The following DMD variants were observed in gnomAD, a reference collection of about 807,000 sequenced individuals.
DMD encodes mutant dystrophin.
A neutral mutation model predicts 330.1 loss-of-function variants in DMD; 63 were observed. The observed-to-expected ratio is 0.19, with a 90% CI of 0.16 to 0.24. DMD has a LOEUF of 0.24. DMD is among the 10% of genes least tolerant of loss of function. The pLI is 1.00. For synonymous variants in DMD, 1,223 were observed against 959.8 expected, an observed-to-expected ratio of 1.27 and a Z score of -5.07; for missense variants, 3,344 against 2,684.1, an observed-to-expected ratio of 1.25 and a Z score of -5.43.
At chrX:32,043,910 A>T (rs1177328670) in intron 44 of DMD, among the ~76,000 whole-genome samples, 1 of 112,119 alleles carries the variant, frequency 8.9e-6, no homozygotes, top group African/African-American at 3.2e-5. Flanking sequence ...GAACACCTTT[A>T]AAATCCTAAA....
intron 15 of DMD, among the ~76,000 whole-genome samples, chrX:32,572,663 G>A (rs1225104323): frequency 9.2e-6 from 1 of 109,073 alleles, no homozygotes; most frequent in Non-Finnish European, 1.9e-5. Flanking sequence ...AAACACTCGA[G>A]GTATTTATAA....
At chrX:31,867,453 A>G (rs1182485525) in intron 48 of DMD, among the ~76,000 whole-genome samples, 1 of 111,322 alleles carries the variant, frequency 9.0e-6, no homozygotes, top group Non-Finnish European at 1.9e-5. Flanking sequence ...CTATTCAGCC[A>G]AGTATTCAAA....
chrX:32,688,176 C>A (rs1165258107), intron 9 of DMD, among the ~76,000 whole-genome samples: 4 of 110,665 alleles, frequency 3.6e-5, no homozygotes, highest in South Asian at 3.8e-4. Flanking sequence ...ATTCTAGGAA[C>A]CGACAAATCC....
intron 15 of DMD, among the ~76,000 whole-genome samples, chrX:32,569,614 C>A (rs1053798035): frequency 2.7e-5 from 3 of 111,501 alleles, no homozygotes; most frequent in Admixed American, 9.5e-5. Flanking sequence ...AGCATTGATC[C>A]TGTCTGAATT....
chrX:31,638,351 C>T (rs1245974110), intron 54 of DMD, among the ~76,000 whole-genome samples: 1 of 111,541 alleles, frequency 9.0e-6, no homozygotes, highest in Non-Finnish European at 1.9e-5. Context: ...GTTTGATGGG[C>T]CTCCTCTCTG....
intron 4 of DMD, among the ~76,000 whole-genome samples, chrX:32,825,438 A>AC (rs1008076115): frequency 5.4e-5 from 6 of 111,032 alleles, no homozygotes; most frequent in South Asian, 3.8e-4. Context: ...GTAAGGTACT[A>AC]CCCCCCCAGT....
intron 1 of DMD, among the ~76,000 whole-genome samples, chrX:33,102,630 C>T (rs2095250583): frequency 9.0e-6 from 1 of 111,202 alleles, no homozygotes; most frequent in Non-Finnish European, 1.9e-5. Flanking sequence ...TTTATTGATT[C>T]CACTACAATT....
chrX:32,113,608 A>T (rs988772680), intron 44 of DMD, among the ~76,000 whole-genome samples: 1 of 111,695 alleles, frequency 9.0e-6, no homozygotes, highest in African/African-American at 3.3e-5. Context: ...AAACCAGAAG[A>T]GTTCAGCTCT....
intron 7 of DMD, among the ~76,000 whole-genome samples, chrX:32,732,297 G>C (rs1451349710): frequency 1.8e-5 from 2 of 111,271 alleles, no homozygotes; most frequent in African/African-American, 6.6e-5. Flanking sequence ...TGGTGTACCT[G>C]AAAGTGATGG....
chrX:32,595,145 G>C (rs1478090780), intron 13 of DMD, among the ~76,000 whole-genome samples: 1 of 111,764 alleles, frequency 8.9e-6, no homozygotes, highest in Non-Finnish European at 1.9e-5. Flanking sequence ...AATGCAGATA[G>C]AGTTTAAGCA....
At chrX:31,833,443 A>T (rs1161683620) in intron 49 of DMD, among the ~76,000 whole-genome samples, 1 of 109,865 alleles carries the variant, frequency 9.1e-6, no homozygotes, top group Non-Finnish European at 1.9e-5. Context: ...TGATCATACG[A>T]TCCTAAGATT....
intron 21 of DMD, among the ~76,000 whole-genome samples, chrX:32,477,630 G>C (rs1044451653): frequency 1.8e-5 from 2 of 110,609 alleles, no homozygotes; most frequent in Non-Finnish European, 3.8e-5. Flanking sequence ...ACTTTAACTG[G>C]AAAGCAAAGT....
chrX:32,202,176 G>C (rs1424378922), intron 44 of DMD, among the ~76,000 whole-genome samples: 1 of 111,233 alleles, frequency 9.0e-6, no homozygotes, highest in Non-Finnish European at 1.9e-5. Flanking sequence ...GTGCAGTATA[G>C]TCTCCTTTGG....
At chrX:32,467,915 C>T (rs2040215486) in intron 23 of DMD, among the ~76,000 whole-genome samples, 1 of 109,963 alleles carries the variant, frequency 9.1e-6, no homozygotes, top group African/African-American at 3.3e-5. Context: ...TACATTTCTA[C>T]TGCACATATA....
intron 63 of DMD, among the ~76,000 whole-genome samples, chrX:31,236,932 T>G: frequency 1.8e-5 from 2 of 111,908 alleles, no homozygotes; most frequent in Non-Finnish European, 3.8e-5. Context: ...AGTAAACATT[T>G]TAGGTTCTGA....
chrX:32,764,348 A>C (rs2148407167), intron 7 of DMD, among the ~76,000 whole-genome samples: 1 of 111,318 alleles, frequency 9.0e-6, no homozygotes, highest in East Asian at 2.8e-4. Flanking sequence ...ATAAGCATAC[A>C]ATTTATCAGC....
intron 44 of DMD, among the ~76,000 whole-genome samples, chrX:32,157,962 G>A (rs2096836233): frequency 8.9e-6 from 1 of 112,098 alleles, no homozygotes; most frequent in Non-Finnish European, 1.9e-5. Context: ...GAAAGATAAT[G>A]CACCTGCACC....
At chrX:31,553,144 T>C (rs918274416) in intron 55 of DMD, among the ~76,000 whole-genome samples, 1 of 111,709 alleles carries the variant, frequency 9.0e-6, no homozygotes, top group Admixed American at 9.5e-5. Flanking sequence ...ACACAGAAAC[T>C]CTGGGGATGG....
chrX:32,399,821 T>G (rs961327541), intron 30 of DMD, among the ~76,000 whole-genome samples: 2 of 112,174 alleles, frequency 1.8e-5, no homozygotes, highest in African/African-American at 6.5e-5. Context: ...AGTCAAGATT[T>G]GGAAGCAACC....
Sources: allele counts gnomAD v4.1 joint callset (sites outside exome capture counted in the v4.1 genomes callset), GRCh38; gene constraint gnomAD v4.1.1; transcripts MANE v1.5; gene names NCBI Gene and HGNC (gene_info 2026-07-23, HGNC 2026-07-21).